Variants in EHMT1 observed in about 807,000 individuals in gnomAD.
The protein encoded by EHMT1 is histone-lysine N-methyltransferase EHMT1.
In EHMT1, 15 loss-of-function variants were observed where a neutral mutation model predicts 147.2. The observed-to-expected ratio is 0.10, with a 90% CI of 0.07 to 0.16. The LOEUF (loss-of-function observed/expected upper bound fraction) is 0.16. EHMT1 is among the 10% of genes least tolerant of loss of function. The pLI, the probability that EHMT1 is intolerant of heterozygous loss-of-function variation, is 1.00. For synonymous variants in EHMT1, 795 were observed against 709.6 expected, an observed-to-expected ratio of 1.12 and a Z score of -1.91; for missense variants, 1,587 against 1,772.4, an observed-to-expected ratio of 0.90 and a Z score of 1.88.
intron 1 of EHMT1, among the ~76,000 whole-genome samples, chr9:137,658,082 G>A (rs1379551331): frequency 6.6e-6 from 1 of 152,082 alleles, no homozygotes; most frequent in Non-Finnish European, 1.5e-5. Context: ...GCCTCATTGT[G>A]CCTGTGTGCC....
chr9:137,747,813 C>T (rs941068880), intron 6 of EHMT1: 1 of 151,816 alleles, frequency 6.6e-6, no homozygotes, highest in Non-Finnish European at 1.5e-5. Flanking sequence ...ACTGACCTCC[C>T]ATCCCCAAAA....
chr9:137,736,629 G>A (rs1305444471), intron 4 of EHMT1, among the ~76,000 whole-genome samples: 2 of 152,264 alleles, frequency 1.3e-5, no homozygotes, highest in African/African-American at 4.8e-5. Flanking sequence ...GATGGCGCAC[G>A]CCTGTAATCC....
At chr9:137,809,938 G>A (rs1203023561) in intron 18 of EHMT1, among the ~76,000 whole-genome samples, 4 of 130,906 alleles carry the variant, frequency 3.1e-5, no homozygotes, top group Admixed American at 6.9e-5. Context: ...TGGGTCCGGA[G>A]GTGGTTCCGA....
At chr9:137,685,002 TAAAG>T (rs1942302661) in intron 1 of EHMT1, among the ~76,000 whole-genome samples, 1 of 152,210 alleles carries the variant, frequency 6.6e-6, no homozygotes, top group Non-Finnish European at 1.5e-5. Context: ...AGCCACAAAT[TAAAG>T]AAATTTATGA....
rs200979393 is a variant in EHMT1, at chr9:137,718,759, TC to T, written c.642+1578del. Reference sequence around the variant, plus strand: ...TTCTCTCTCTTTTTCTTTTTCTTTTTCTTTTTTTTTTTTTGAGACGGAGTCT... The same window carrying T: ...TTCTCTCTCTTTTTCTTTTTCTTTTTTTTTTTTTTTTTTGAGACGGAGTCT... On this transcript the variant is annotated intron_variant, in intron 3 of 26. Coordinates refer to ENST00000460843, the MANE Select transcript of EHMT1 (RefSeq NM_024757.5). Among the ~76,000 whole-genome samples, 264 of 149,928 alleles carry T rather than the reference TC, an allele frequency of 1.8e-3. 3 individuals carry two copies. Among genetic ancestry groups the T allele is most frequent in the African/African-American group, 5.9e-3 (237 of 39,974 alleles).
intron 3 of EHMT1, among the ~76,000 whole-genome samples, chr9:137,725,368 G>A (rs1293167638): frequency 1.3e-5 from 2 of 152,206 alleles, no homozygotes; most frequent in Non-Finnish European, 1.5e-5. Flanking sequence ...AGTGGACATG[G>A]CAGGAGGAGC....
chr9:137,756,771 G>A (rs1465800859), intron 8 of EHMT1, among the ~76,000 whole-genome samples: 3 of 152,196 alleles, frequency 2.0e-5, no homozygotes, highest in Admixed American at 1.3e-4. Flanking sequence ...ATTCACAGAG[G>A]AGTTTGAATT....
At chr9:137,797,630 T>C (rs1286739097) in intron 16 of EHMT1, among the ~76,000 whole-genome samples, 1 of 152,066 alleles carries the variant, frequency 6.6e-6, no homozygotes, top group African/African-American at 2.4e-5. Flanking sequence ...AAAATTACAA[T>C]TCTGAACACT....
intron 16 of EHMT1, among the ~76,000 whole-genome samples, chr9:137,795,401 G>GCACACACACACACACACACACACACACA (rs554055210): frequency 1.8e-4 from 24 of 130,280 alleles, no homozygotes; most frequent in East Asian, 1.6e-3. Flanking sequence ...ATCGCAGGGT[G>GCACACACACACACACACACACACACACA]CACACACACA....
intron 1 of EHMT1, among the ~76,000 whole-genome samples, chr9:137,670,201 G>A (rs1282010750): frequency 6.6e-6 from 1 of 152,104 alleles, no homozygotes; most frequent in Non-Finnish European, 1.5e-5. Flanking sequence ...CCAGCTTCAC[G>A]TCAGTTCTTT....
chr9:137,781,692 T>C (rs1343457638), intron 14 of EHMT1, among the ~76,000 whole-genome samples: 1 of 152,230 alleles, frequency 6.6e-6, no homozygotes, highest in Non-Finnish European at 1.5e-5. Context: ...TCTCTGACGT[T>C]CATCGTCTCT....
At chr9:137,720,711 G>C (rs772564215) in intron 3 of EHMT1, among the ~76,000 whole-genome samples, 1 of 152,138 alleles carries the variant, frequency 6.6e-6, no homozygotes, top group Non-Finnish European at 1.5e-5. Flanking sequence ...TCATTAGCCC[G>C]TCCCGTTCTC....
intron 3 of EHMT1, among the ~76,000 whole-genome samples, chr9:137,722,646 G>C (rs1946176373): frequency 6.6e-6 from 1 of 151,958 alleles, no homozygotes; most frequent in Non-Finnish European, 1.5e-5. Context: ...GCCCCACGGA[G>C]GTGGTGCGGC....
chr9:137,806,624 T>TG (rs1354748481), intron 18 of EHMT1, among the ~76,000 whole-genome samples: 1 of 151,206 alleles, frequency 6.6e-6, no homozygotes, highest in Non-Finnish European at 1.5e-5. Context: ...TTAGTAGAGA[T>TG]GGGTTTCACC....
intron 15 of EHMT1, among the ~76,000 whole-genome samples, chr9:137,783,613 G>A (rs1951729589): frequency 6.6e-6 from 1 of 152,248 alleles, no homozygotes; most frequent in Non-Finnish European, 1.5e-5. Flanking sequence ...GCTTGCCGGG[G>A]GCTTGTCAGC....
rs1352233803 is a variant in EHMT1, at chr9:137,817,428, C to G, written c.3375-11C>G. 2.5e-6 allele frequency: 4 copies of G among 1,613,344 alleles called. No individual in the cohort carries two copies. The highest frequency in any genetic ancestry group is 1.3e-5 in the African/African-American group (1 of 74,776). On this transcript the variant is annotated splice_polypyrimidine_tract_variant and intron_variant, in intron 23 of 26. Transcript: ENST00000460843. The stretch of plus-strand genomic sequence containing the variant: ...TGTGGCCTGGGTTCACCACTACTCT[C>G]TATTTTTCAGGGCAAGGCTGCAGCT...
chr9:137,704,258 G>A lies in EHMT1; in HGVS notation c.22-6709G>A, dbSNP rs115391084. ...ATCACTATGTGTCTGTAAACAGTGAGGTTATGATGTGACCTCAGCTCTGCA... is the reference window on the plus strand; with the variant it reads ...ATCACTATGTGTCTGTAAACAGTGAAGTTATGATGTGACCTCAGCTCTGCA... On this transcript the variant is annotated intron_variant, in intron 1 of 26. Coordinates refer to ENST00000460843, the MANE Select transcript of EHMT1 (RefSeq NM_024757.5). Among the ~76,000 whole-genome samples, 510 of 152,302 alleles carry A rather than the reference G, an allele frequency of 3.3e-3. 5 individuals carry two copies. Among genetic ancestry groups the A allele is most frequent in the African/African-American group, 0.012 (484 of 41,552 alleles).
chr9:137,704,523 C>A (rs1352187725), intron 1 of EHMT1, among the ~76,000 whole-genome samples: 1 of 152,100 alleles, frequency 6.6e-6, no homozygotes, highest in Non-Finnish European at 1.5e-5. Context: ...AAAATGAGTT[C>A]TGTATTTCTG....
At chr9:137,673,004 T>C (rs1940857088) in intron 1 of EHMT1, among the ~76,000 whole-genome samples, 1 of 152,226 alleles carries the variant, frequency 6.6e-6, no homozygotes. Flanking sequence ...CACAAGGTGG[T>C]GCTTTTGTTC....
Sources: gnomAD v4.1 joint callset for allele counts (sites outside exome capture counted in the v4.1 genomes callset) on GRCh38, gnomAD v4.1.1 for gene constraint, MANE v1.5 for transcripts, NCBI Gene and HGNC (gene_info 2026-07-23, HGNC 2026-07-21) for gene names.